The following DCLRE1C variants were observed in gnomAD, a reference collection of about 807,000 sequenced individuals.
DCLRE1C encodes the protein DNA cross-link repair 1C.
Under a neutral mutation model 61.4 loss-of-function variants are expected in DCLRE1C, and 47 were observed. The ratio of observed to expected loss-of-function variants is 0.77; its 90% CI spans 0.61 to 0.98. The LOEUF (loss-of-function observed/expected upper bound fraction) is 0.98. Among genes scored for constraint, DCLRE1C ranks in the 50% least tolerant of loss-of-function variants. DCLRE1C has a pLI of 0.00. For missense variants in DCLRE1C, 858 were observed against 816.0 expected, an observed-to-expected ratio of 1.05 and a Z score of -0.63; for synonymous variants, 337 against 287.6, an observed-to-expected ratio of 1.17 and a Z score of -1.74.
At position 14,934,757 on chromosome 10, in the gene DCLRE1C, A is replaced by G. The variant is rs891106364; in HGVS notation, c.483T>C (p.Ser161=). The change falls in exon 7 of 14, where the codon AGT becomes AGC. Residue 161 remains serine, a synonymous_variant. Transcript: ENST00000378278. ...HSGGRVKDIQ[S]VYLDTTFCDP... ...CACAGAACGTAGTATCCAAATATAC[A>G]CTTTGGATGTCTTTGACTCTGAAAA... 1.2e-6 allele frequency: 2 copies of G among 1,612,630 alleles called. No homozygotes were observed. Among genetic ancestry groups the G allele is most frequent in the Non-Finnish European group, 1.7e-6 (2 of 1,178,738 alleles).
At chr10:14,942,175 C>G (rs12250184) in intron 3 of DCLRE1C, 1 of 152,412 alleles carries the variant, frequency 6.6e-6, no homozygotes, top group East Asian at 1.9e-4. Flanking sequence ...GCTGGGTGCC[C>G]GTGTGCAGCT....
At chr10:14,913,022 A>AT (rs1334210918) in intron 13 of DCLRE1C, among the ~76,000 whole-genome samples, 4 of 146,222 alleles carry the variant, frequency 2.7e-5, no homozygotes, top group African/African-American at 1.0e-4. Flanking sequence ...CACCTGGCTA[A>AT]TTTTTTGTGT....
intron 9 of DCLRE1C, among the ~76,000 whole-genome samples, chr10:14,931,719 T>C (rs970789076): frequency 6.6e-6 from 1 of 151,948 alleles, no homozygotes; most frequent in Non-Finnish European, 1.5e-5. Flanking sequence ...AAGAAAAAGT[T>C]TATAAACACG....
intron 13 of DCLRE1C, among the ~76,000 whole-genome samples, chr10:14,914,577 A>G (rs1835853024): frequency 6.6e-6 from 1 of 152,234 alleles, no homozygotes; most frequent in African/African-American, 2.4e-5. Context: ...TGAAGTACAC[A>G]TTAAACATTT....
In DCLRE1C at chr10:14,925,926, C is replaced by T. The variant is rs41298914; in HGVS notation, c.972+917G>A. Among the ~76,000 whole-genome samples the T allele has an allele frequency of 5.5e-3, 836 of 152,234 alleles. 19 individuals carry two copies. In the East Asian group the frequency reaches 0.078, roughly 14 times the overall value. On this transcript the variant is annotated intron_variant, in intron 11 of 13. Transcript: ENST00000378278. ...GGACCAGTGGGAGGCAATTTAATCA[C>T]GGGGGTGGCTACCTCCATACTGTTC...
Position 14,954,096 on chromosome 10 carries a change from C to A in DCLRE1C, c.-86G>T. ...GACCGCGCCGCCACTTCCGGGAAGC[C>A]GCGCGCTGCCTCGCCATTGGGCGGC... On this transcript the variant is annotated 5_prime_UTR_variant, in exon 1 of 14. Coordinates refer to ENST00000378278, the MANE Select transcript of DCLRE1C (RefSeq NM_001033855.3). 2 of 1,597,042 alleles carry A rather than the reference C, an allele frequency of 1.3e-6. No homozygotes were observed. The highest frequency in any genetic ancestry group is 1.7e-6 in the Non-Finnish European group (2 of 1,174,710).
chr10:14,920,426 G>T lies in DCLRE1C; in HGVS notation c.1062-594C>A, dbSNP rs549034117. 4.6e-5 allele frequency: 47 copies of T among 1,011,230 alleles called. No homozygotes were observed. In the African/African-American group the frequency reaches 8.0e-4, roughly 17 times the overall value. The allele number at this position is 1,011,230 out of a possible 1,614,324, so 62.6% of individuals were successfully genotyped here. ...CAACTGCCTCCTCCTGGCAGATTCC[G>T]GGAAGCCTTTAGGATGATCTACAAC... On this transcript the variant is annotated intron_variant, in intron 12 of 13. Coordinates refer to ENST00000378278, the MANE Select transcript of DCLRE1C (RefSeq NM_001033855.3).
At chr10:14,929,398 T>C (rs987366862) in intron 9 of DCLRE1C, among the ~76,000 whole-genome samples, 2 of 149,952 alleles carry the variant, frequency 1.3e-5, no homozygotes, top group Non-Finnish European at 3.0e-5. Context: ...AGCGAAACTC[T>C]ATCTCAAAAA....
At position 14,908,773 on chromosome 10, in the gene DCLRE1C, A is replaced by G. The variant is rs770457801; in HGVS notation, c.1714T>C (p.Ser572Pro). ...SQERNSGDIT[S>P]LDKADYRPTI... The stretch of plus-strand genomic sequence containing the variant: ...GGTCTGTAGTCAGCTTTGTCCAAGG[A>G]AGTAATATCCCCACTGTTTCTCTCT... The change falls in exon 14 of 14, where the codon TCC becomes CCC. Residue 572 changes from serine (S) to proline (P), a missense_variant. Transcript: ENST00000378278. The G allele has an allele frequency of 6.2e-7, 1 of 1,614,072 alleles. No individual in the cohort carries two copies. The highest frequency in any genetic ancestry group is 1.3e-5 in the African/African-American group (1 of 74,928).
chr10:14,926,721 T>C, intron 11 of DCLRE1C, 122 bp downstream of exon 11: 2 of 632,698 alleles, frequency 3.2e-6, no homozygotes, highest in South Asian at 1.9e-5. Context: ...AAAAAAAAAC[T>C]AAAAGGAAAT....
At chr10:14,932,531 G>A (rs1307621929) in intron 9 of DCLRE1C, among the ~76,000 whole-genome samples, 1 of 152,118 alleles carries the variant, frequency 6.6e-6, no homozygotes, top group African/African-American at 2.4e-5. Flanking sequence ...CAGCTACTCA[G>A]GAGGCTGAGG....
chr10:14,912,493 A>G (rs1835424366), intron 13 of DCLRE1C, among the ~76,000 whole-genome samples: 1 of 152,244 alleles, frequency 6.6e-6, no homozygotes, highest in Non-Finnish European at 1.5e-5. Context: ...TTTTCATAGC[A>G]TTATTATTTA....
At chr10:14,917,398 A>C (rs1348251758) in intron 13 of DCLRE1C, among the ~76,000 whole-genome samples, 2 of 152,144 alleles carry the variant, frequency 1.3e-5, no homozygotes, top group African/African-American at 4.8e-5. Context: ...TAAAATTTAA[A>C]ATTTCTGCTC....
intron 4 of DCLRE1C, among the ~76,000 whole-genome samples, chr10:14,937,381 G>A (rs532121716): frequency 8.0e-5 from 12 of 150,626 alleles, no homozygotes; most frequent in Admixed American, 3.3e-4. Context: ...TGCCTCCTGG[G>A]TTCAAGTAAT....
intron 9 of DCLRE1C, among the ~76,000 whole-genome samples, chr10:14,931,989 G>A (rs1296123376): frequency 6.6e-6 from 1 of 152,044 alleles, no homozygotes; most frequent in Non-Finnish European, 1.5e-5. Flanking sequence ...AGCCAAGATG[G>A]CCCCACTGCA....
intron 2 of DCLRE1C, among the ~76,000 whole-genome samples, chr10:14,948,267 T>G (rs1564479920): frequency 6.6e-6 from 1 of 152,064 alleles, no homozygotes; most frequent in Non-Finnish European, 1.5e-5. Context: ...CAGTAAGTAT[T>G]CAATAAACGT....
downstream of DCLRE1C, chr10:14,902,478 G>A: frequency 6.2e-7 from 1 of 1,604,532 alleles, no homozygotes; most frequent in Non-Finnish European, 8.5e-7. Context: ...GTATGTAAAT[G>A]TGGAGCTGTG....
rs144179895 is a variant in DCLRE1C at position 14,918,468 on chromosome 10, G to A, written c.1156+1270C>T. Among the ~76,000 whole-genome samples, 18 of 152,226 alleles carry A rather than the reference G, an allele frequency of 1.2e-4. No homozygotes were observed. In the East Asian group the frequency reaches 2.1e-3, roughly 18 times the overall value. On this transcript the variant is annotated intron_variant, in intron 13 of 13. Coordinates refer to ENST00000378278, the MANE Select transcript of DCLRE1C (RefSeq NM_001033855.3). Reference sequence around the variant, plus strand: ...GGATGCCTTGGCATGGGTGAGAACCGGAGGGAATTACAAAGGGGCATAAGA... The same window carrying A: ...GGATGCCTTGGCATGGGTGAGAACCAGAGGGAATTACAAAGGGGCATAAGA...
rs922004095 is a variant in DCLRE1C, at chr10:14,915,327, AAG to A, written c.1156+4409_1156+4410del. Reference sequence around the variant, plus strand: ...ACTACCCCGTGCCAAAAAAACAAAAAAGAGAGAAAATGAAAATAAAACCAAAA... The same window carrying A: ...ACTACCCCGTGCCAAAAAAACAAAAAAGAGAAAATGAAAATAAAACCAAAA... On this transcript the variant is annotated intron_variant, in intron 13 of 13. Coordinates refer to ENST00000378278, the MANE Select transcript of DCLRE1C (RefSeq NM_001033855.3). Among the ~76,000 whole-genome samples, 26 of 152,152 alleles carry A rather than the reference AAG, an allele frequency of 1.7e-4. 2 individuals carry two copies. The highest frequency in any genetic ancestry group is 4.1e-4 in the African/African-American group (17 of 41,548).
Sources: gnomAD v4.1 joint callset for allele counts (sites outside exome capture counted in the v4.1 genomes callset) on GRCh38, gnomAD v4.1.1 for gene constraint, MANE v1.5 for transcripts, NCBI Gene and HGNC (gene_info 2026-07-23, HGNC 2026-07-21) for gene names.